Variants in CEP170 observed in about 807,000 individuals in gnomAD.
CEP170 encodes centrosomal protein 170.
Under a neutral mutation model 151.9 loss-of-function variants are expected in CEP170, and 21 were observed. The observed-to-expected ratio is 0.14, with a 90% CI of 0.10 to 0.20. The LOEUF (loss-of-function observed/expected upper bound fraction) is 0.20. Ranked by LOEUF, CEP170 falls within the 10% of genes least tolerant of loss-of-function variation. The pLI is 1.00. For missense variants in CEP170, 964 were observed against 1,892.9 expected, an observed-to-expected ratio of 0.51 and a Z score of 9.11; for synonymous variants, 356 against 648.8, an observed-to-expected ratio of 0.55 and a Z score of 6.86.
chr1:243,170,973 G>A lies in CEP170; in HGVS notation c.1717-1219C>T, dbSNP rs560773876. Among the ~76,000 whole-genome samples, 4 of 152,334 alleles carry A rather than the reference G, an allele frequency of 2.6e-5. No individual in the cohort carries two copies. In the South Asian group the frequency reaches 6.2e-4, roughly 24 times the overall value. On this transcript the variant is annotated intron_variant, in intron 11 of 19. Coordinates refer to ENST00000366542, the MANE Select transcript of CEP170 (RefSeq NM_014812.3). ...TGCTAAGAATACCAACAGTATGAGC[G>A]TCACTGACACACGCGTATGTAAAAC...
chr1:243,225,223 G>A lies in CEP170; in HGVS notation c.58C>T (p.Arg20Ter). 2 of 1,599,316 alleles carry A rather than the reference G, an allele frequency of 1.3e-6. No homozygotes were observed. Among genetic ancestry groups the A allele is most frequent in the Non-Finnish European group, 1.7e-6 (2 of 1,173,694 alleles). ...TCTCTTCCAACAAAAATCATTTCTC[G>A]TGGCAGCCTGTGGCGAGTGCCTCCA... ...SSGGTRHRLP[R>*]EMIFVGRDDC... The change falls in exon 2 of 20, where the codon CGA becomes TGA. Residue 20 changes from arginine (R) to a stop codon, truncating the protein, a stop_gained. Coordinates refer to ENST00000366542, the MANE Select transcript of CEP170 (RefSeq NM_014812.3). LOFTEE classifies it high-confidence loss of function.
intron 1 of CEP170, among the ~76,000 whole-genome samples, chr1:243,237,831 G>A (rs909616948): frequency 2.0e-5 from 3 of 152,106 alleles, no homozygotes; most frequent in African/African-American, 7.2e-5. Flanking sequence ...CTTGAGCCTG[G>A]CAGGTGGAGG....
chr1:243,219,796 T>A (rs1282321903), intron 3 of CEP170, among the ~76,000 whole-genome samples: 1 of 152,222 alleles, frequency 6.6e-6, no homozygotes, highest in South Asian at 2.1e-4. Context: ...TCAATTCCAC[T>A]AAAGAAAGAT....
At chr1:243,230,397 CAG>C (rs982127095) in intron 1 of CEP170, among the ~76,000 whole-genome samples, 35 of 152,046 alleles carry the variant, frequency 2.3e-4, no homozygotes, top group African/African-American at 8.5e-4. Flanking sequence ...AAAGATTTGA[CAG>C]AAACTCTCCC....
At chr1:243,207,046 A>T (rs1006024988) in intron 4 of CEP170, among the ~76,000 whole-genome samples, 1 of 152,234 alleles carries the variant, frequency 6.6e-6, no homozygotes, top group Non-Finnish European at 1.5e-5. Context: ...ACAGGACACA[A>T]ATTTCAAGAT....
intron 2 of CEP170, among the ~76,000 whole-genome samples, chr1:243,224,008 G>C (rs554898637): frequency 7.9e-5 from 12 of 152,220 alleles, no homozygotes; most frequent in African/African-American, 2.4e-4. Context: ...TGAGGGAATA[G>C]GAAGAATATG....
At chr1:243,218,296 C>T (rs1186521396) in intron 3 of CEP170, among the ~76,000 whole-genome samples, 1 of 152,186 alleles carries the variant, frequency 6.6e-6, no homozygotes, top group African/African-American at 2.4e-5. Flanking sequence ...GGGGGCAGTC[C>T]AGTAACAAAT....
At chr1:243,194,349 A>C (rs1266666649) in intron 7 of CEP170, among the ~76,000 whole-genome samples, 1 of 151,968 alleles carries the variant, frequency 6.6e-6, no homozygotes, top group Non-Finnish European at 1.5e-5. Flanking sequence ...TATTGATTAT[A>C]TCAATATTGC....
chr1:243,248,650 C>T (rs965273534), intron 1 of CEP170, among the ~76,000 whole-genome samples: 3 of 152,216 alleles, frequency 2.0e-5, no homozygotes, highest in Admixed American at 1.3e-4. Flanking sequence ...TCGCTCTAGT[C>T]TAAGCCATTA....
intron 1 of CEP170, among the ~76,000 whole-genome samples, chr1:243,240,436 G>A (rs1014333260): frequency 2.6e-5 from 4 of 152,146 alleles, no homozygotes; most frequent in Admixed American, 6.5e-5. Flanking sequence ...ACGGTTAGAC[G>A]TTCCACCTTA....
chr1:243,154,971 A>G (rs925433223), intron 14 of CEP170, among the ~76,000 whole-genome samples: 4 of 152,140 alleles, frequency 2.6e-5, no homozygotes, highest in Admixed American at 2.6e-4. Context: ...ATGATGAGAC[A>G]AGAGTAAGAC....
chr1:243,232,722 A>C (rs1005743871), intron 1 of CEP170, among the ~76,000 whole-genome samples: 3 of 152,150 alleles, frequency 2.0e-5, no homozygotes, highest in Non-Finnish European at 4.4e-5. Context: ...GGAACTCACT[A>C]CTGCAGGGAA....
At chr1:243,240,803 C>T (rs1422562495) in intron 1 of CEP170, among the ~76,000 whole-genome samples, 1 of 152,156 alleles carries the variant, frequency 6.6e-6, no homozygotes, top group African/African-American at 2.4e-5. Flanking sequence ...AGTGATTCTC[C>T]TGCCTCAGCC....
chr1:243,239,200 T>C (rs1269815069), intron 1 of CEP170, among the ~76,000 whole-genome samples: 1 of 152,226 alleles, frequency 6.6e-6, no homozygotes, highest in Non-Finnish European at 1.5e-5. Flanking sequence ...AACCCTTTCA[T>C]CTAACGAAAT....
chr1:243,204,304 T>C lies in CEP170; in HGVS notation c.275-3469A>G, dbSNP rs371637159. ...CTTGACAGCCTACCAAACAGTGGTA[T>C]ATATAGTGCTGGAAGTACAGATTAA... On this transcript the variant is annotated intron_variant, in intron 4 of 19. Coordinates refer to ENST00000366542, the MANE Select transcript of CEP170 (RefSeq NM_014812.3). Among the ~76,000 whole-genome samples the C allele has an allele frequency of 4.3e-4, 65 of 152,294 alleles. 2 individuals carry two copies. The South Asian group carries it at 0.012, about 28-fold the overall frequency.
chr1:243,128,503 A>C (rs1245277586), intron 18 of CEP170: 1 of 530,810 alleles, frequency 1.9e-6, no homozygotes, highest in African/African-American at 2.0e-5. Flanking sequence ...AAAATGAAAT[A>C]CAATAACTTT....
intron 1 of CEP170, among the ~76,000 whole-genome samples, chr1:243,254,164 T>C (rs558925168): frequency 1.3e-5 from 2 of 150,308 alleles, no homozygotes; most frequent in East Asian, 3.9e-4. Context: ...GCAGGCATAG[T>C]CCCTGTCTTC....
intron 14 of CEP170, among the ~76,000 whole-genome samples, chr1:243,150,554 G>T (rs1012705226): frequency 6.6e-6 from 1 of 152,194 alleles, no homozygotes; most frequent in African/African-American, 2.4e-5. Flanking sequence ...AGTTTGGACG[G>T]AAATTTGAAC....
intron 4 of CEP170, among the ~76,000 whole-genome samples, chr1:243,208,952 C>A (rs552331626): frequency 1.6e-3 from 249 of 151,962 alleles, no homozygotes; most frequent in Middle Eastern, 6.8e-3. Flanking sequence ...TTATCAGCCT[C>A]ATTTTTGGCT....
Sources: allele counts gnomAD v4.1 joint callset (sites outside exome capture counted in the v4.1 genomes callset), GRCh38; gene constraint gnomAD v4.1.1; transcripts MANE v1.5; gene names NCBI Gene and HGNC (gene_info 2026-07-23, HGNC 2026-07-21).